Variants in ACTN2 observed in about 807,000 individuals in gnomAD.
The protein encoded by ACTN2 is actinin alpha 2, also known as alpha-actinin-2.
ACTN2 carries 39 observed loss-of-function variants against 113.8 expected under a neutral mutation model. The ratio of observed to expected loss-of-function variants is 0.34; its 90% confidence interval spans 0.27 to 0.45. The LOEUF is 0.45. Among genes scored for constraint, ACTN2 ranks in the 20% least tolerant of loss-of-function variants. The pLI is 1.00. For missense variants in ACTN2, 992 were observed against 1,177.9 expected (o/e 0.84, Z 2.31); for synonymous variants, 429 against 444.1 (o/e 0.97, Z 0.43).
intron 1 of ACTN2, among the ~76,000 whole-genome samples, chr1:236,697,430 G>A (rs2102865738): frequency 6.6e-6 from 1 of 152,180 alleles, no homozygotes; most frequent in East Asian, 1.9e-4. Flanking sequence ...ATATGCAATG[G>A]CTGCAACTCT....
chr1:236,719,983 A>G, intron 3 of ACTN2, 122 bp from the exon 4 acceptor site: 3 of 718,120 alleles, frequency 4.2e-6, no homozygotes, highest in Non-Finnish European at 7.7e-6. Context: ...AAAAACATAA[A>G]CTGGTCTTTC....
rs1659014001 is a variant in ACTN2, at chr1:236,739,821, T to C, written c.1107+289T>C. Among the ~76,000 whole-genome samples, 4 of 152,292 alleles carry C rather than the reference T, an allele frequency of 2.6e-5. No individual in the cohort carries two copies. The South Asian group carries it at 6.2e-4, about 24-fold the overall frequency. On this transcript the variant is annotated intron_variant, in intron 10 of 20. Transcript: ENST00000366578. ...CCCTCCTCATGGCCTTGGCCCCTCATGTCCACCAGCATCTAGATCATGTGT... is the reference window on the plus strand; with the variant it reads ...CCCTCCTCATGGCCTTGGCCCCTCACGTCCACCAGCATCTAGATCATGTGT...
intron 1 of ACTN2, among the ~76,000 whole-genome samples, chr1:236,690,720 C>T (rs571804712): frequency 6.6e-6 from 1 of 152,246 alleles, no homozygotes; most frequent in South Asian, 2.1e-4. Flanking sequence ...AGATTTGGCC[C>T]TTGGTGACCT....
chr1:236,762,687 G>GAAA lies in ACTN2; in HGVS notation c.*68_*69insAAA. On this transcript the variant is annotated 3_prime_UTR_variant, in exon 21 of 21. Transcript: ENST00000366578. ...AAGCGGAAGTCACAGTTTGTTTCCT[G>GAAA]GAAACTTTGACAAGCTTTATTAAGT... 1 of 1,564,548 alleles carries GAAA rather than the reference G, an allele frequency of 6.4e-7. No homozygotes were observed. The highest frequency in any genetic ancestry group is 8.7e-7 in the Non-Finnish European group (1 of 1,151,400).
chr1:236,755,707 T>C (rs374461663), intron 17 of ACTN2, among the ~76,000 whole-genome samples: 2,695 of 43,614 alleles, frequency 0.062, 158 homozygotes, highest in African/African-American at 0.17. Flanking sequence ...CCGCTGCCAC[T>C]GTTAGAACCC....
chr1:236,748,829 T>A (rs951982167), intron 13 of ACTN2, among the ~76,000 whole-genome samples: 1 of 152,198 alleles, frequency 6.6e-6, no homozygotes, highest in Admixed American at 6.5e-5. Context: ...CAAGTTACAG[T>A]ATGCCGTATG....
intron 15 of ACTN2, among the ~76,000 whole-genome samples, chr1:236,753,168 G>T (rs913339705): frequency 6.6e-6 from 1 of 152,180 alleles, no homozygotes; most frequent in African/African-American, 2.4e-5. Flanking sequence ...TTGGTGTCAT[G>T]AACCCGTCTG....
At chr1:236,735,754 TAC>T in intron 8 of ACTN2, 34 bp downstream of exon 8, 1 of 1,583,388 alleles carries the variant, frequency 6.3e-7, no homozygotes, top group East Asian at 2.2e-5. Context: ...GCTGTTGTGT[TAC>T]TCTCTGTTGG....
chr1:236,762,968 C>A lies in ACTN2; in HGVS notation c.*349C>A. On this transcript the variant is annotated 3_prime_UTR_variant, in exon 21 of 21. Transcript: ENST00000366578. ...TGAAAAATGTGAAAATACAAAATAC[C>A]CAAGATTTAAGACCGGGGGGAAAAA... 3.1e-6 allele frequency: 1 copy of A among 326,638 alleles called. No individual in the cohort carries two copies. The highest frequency in any genetic ancestry group is 5.9e-6 in the Non-Finnish European group (1 of 168,836). 20.2% of individuals were successfully genotyped at this position (326,638 alleles called of 1,614,324 possible).
At chr1:236,760,758 G>T (rs947641189) in intron 19 of ACTN2, among the ~76,000 whole-genome samples, 1 of 152,214 alleles carries the variant, frequency 6.6e-6, no homozygotes, top group Non-Finnish European at 1.5e-5. Context: ...AAGGCCAGCA[G>T]TGGGTCCCAG....
chr1:236,708,811 T>C (rs560936147), intron 1 of ACTN2, among the ~76,000 whole-genome samples: 1,577 of 152,310 alleles, frequency 0.01, 15 homozygotes, highest in South Asian at 0.041. Context: ...CTACTCTCTA[T>C]GAGGGCAGAG....
At chr1:236,755,820 A>T (rs879219451) in intron 17 of ACTN2, among the ~76,000 whole-genome samples, 11 of 14,348 alleles carry the variant, frequency 7.7e-4, no homozygotes, top group African/African-American at 2.1e-3. Flanking sequence ...GAACCCTGGT[A>T]ATAGAGTATA....
chr1:236,755,332 A>C, intron 17 of ACTN2, 134 bp downstream of exon 17: 1 of 1,022,616 alleles, frequency 9.8e-7, no homozygotes, highest in South Asian at 1.3e-5. Flanking sequence ...GGGATCTTTA[A>C]GCCTTTCCAG....
chr1:236,755,134 G>A lies in ACTN2; in HGVS notation c.2090G>A (p.Gly697Glu), dbSNP rs772862873. The A allele has an allele frequency of 6.2e-7, 1 of 1,614,202 alleles. No individual in the cohort carries two copies. The highest frequency in any genetic ancestry group is 1.1e-5 in the South Asian group (1 of 91,080). Reference sequence around the variant, plus strand: ...AAGAACAACATCGACAAGCTGGAGGGAGACCATCAGCTCATCCAGGAGGCC... The same window carrying A: ...AAGAACAACATCGACAAGCTGGAGGAAGACCATCAGCTCATCCAGGAGGCC... ...NYKNNIDKLE[G>E]DHQLIQEALV... The change falls in exon 17 of 21, where the codon GGA becomes GAA. Residue 697 changes from glycine (G) to glutamate (E), a missense_variant. Gly to Glu is a moderately conservative substitution (Grantham distance 98). Coordinates refer to ENST00000366578, the MANE Select transcript of ACTN2 (RefSeq NM_001103.4).
intron 4 of ACTN2, among the ~76,000 whole-genome samples, chr1:236,723,454 G>A (rs1286238302): frequency 6.6e-6 from 1 of 151,988 alleles, no homozygotes; most frequent in African/African-American, 2.4e-5. Flanking sequence ...ACAGTTTTTT[G>A]TTTTGTGTTG....
At chr1:236,710,596 T>A (rs1341709651) in intron 1 of ACTN2, among the ~76,000 whole-genome samples, 1 of 152,200 alleles carries the variant, frequency 6.6e-6, no homozygotes, top group Non-Finnish European at 1.5e-5. Flanking sequence ...GGTCTCCAGA[T>A]CAGGGGCTCA....
chr1:236,752,432 T>C (rs537941334), intron 15 of ACTN2, among the ~76,000 whole-genome samples: 1 of 150,154 alleles, frequency 6.7e-6, no homozygotes, highest in South Asian at 2.1e-4. Context: ...GAGCTTTAAA[T>C]TTAGCTCTGG....
At position 236,725,495 on chromosome 1, in the gene ACTN2, G is replaced by A. The variant is rs189663961; in HGVS notation, c.449-438G>A. ...ATACAAAAATTAACCGGGCATGGTG[G>A]TGGCACCTGTAGTCCCAGCTACTCG... On this transcript the variant is annotated intron_variant, in intron 4 of 20. Coordinates refer to ENST00000366578, the MANE Select transcript of ACTN2 (RefSeq NM_001103.4). Among the ~76,000 whole-genome samples the A allele has an allele frequency of 4.8e-3, 723 of 152,020 alleles. 6 individuals are homozygous for A. Among genetic ancestry groups the A allele is most frequent in the Non-Finnish European group, 8.6e-3 (587 of 67,970 alleles).
intron 9 of ACTN2, among the ~76,000 whole-genome samples, chr1:236,738,081 C>T (rs960284872): frequency 3.9e-5 from 6 of 152,202 alleles, no homozygotes; most frequent in African/African-American, 7.2e-5. Flanking sequence ...GCAGTCCTGG[C>T]GCACTGCAAC....
Sources: gnomAD v4.1 joint callset for allele counts (sites outside exome capture counted in the v4.1 genomes callset) on GRCh38, gnomAD v4.1.1 for gene constraint, MANE v1.5 for transcripts, NCBI Gene and HGNC (gene_info 2026-07-23, HGNC 2026-07-21) for gene names.